Variants in RELN observed in about 807,000 individuals in gnomAD.
RELN encodes reelin.
In RELN, 108 loss-of-function variants were observed where a neutral mutation model predicts 427.6. The observed-to-expected ratio is 0.25, with a 90% CI of 0.22 to 0.30. The LOEUF (loss-of-function observed/expected upper bound fraction) is 0.30. RELN is among the 10% of genes least tolerant of loss of function. RELN has a pLI of 1.00. For missense variants in RELN, 3,715 were observed against 4,302.8 expected (o/e 0.86, Z 3.82); for synonymous variants, 1,524 against 1,513.4 (o/e 1.01, Z -0.16).
At chr7:103,713,059 AG>A (rs1449434719) in intron 8 of RELN, among the ~76,000 whole-genome samples, 1 of 152,196 alleles carries the variant, frequency 6.6e-6, no homozygotes. Context: ...AATGCAGCAC[AG>A]GGCCACAGAA....
At chr7:103,861,472 A>G (rs1050174583) in intron 2 of RELN, among the ~76,000 whole-genome samples, 5 of 152,160 alleles carry the variant, frequency 3.3e-5, no homozygotes, top group Non-Finnish European at 7.4e-5. Flanking sequence ...AGTAATAGGT[A>G]TATTTTAGAG....
At chr7:103,703,166 A>T (rs1235017845) in intron 8 of RELN, among the ~76,000 whole-genome samples, 2 of 152,080 alleles carry the variant, frequency 1.3e-5, no homozygotes, top group Admixed American at 1.3e-4. Flanking sequence ...AGCTGGAAGG[A>T]GCACCCCCCA....
rs78694521 is a variant in RELN, at chr7:103,890,879, C to T, written c.337+26196G>A. Among the ~76,000 whole-genome samples, 602 of 152,208 alleles carry T rather than the reference C, an allele frequency of 4.0e-3. 22 individuals are homozygous for T. The East Asian group carries it at 0.072, about 18-fold the overall frequency. ...GATAATGAGGTCAGGAGTTCGAGAC[C>T]ACCCTGACCAACATGGTGAAACCCC... On this transcript the variant is annotated intron_variant, in intron 2 of 64. Coordinates refer to ENST00000428762, the MANE Select transcript of RELN (RefSeq NM_005045.4).
intron 2 of RELN, among the ~76,000 whole-genome samples, chr7:103,908,166 TAGG>T (rs1270107711): frequency 2.0e-5 from 3 of 152,170 alleles, no homozygotes. Flanking sequence ...ATCCAGGCTC[TAGG>T]GGAGGTCCAT....
intron 4 of RELN, among the ~76,000 whole-genome samples, chr7:103,754,354 A>G (rs1288649781): frequency 6.6e-6 from 1 of 151,966 alleles, no homozygotes; most frequent in Admixed American, 6.6e-5. Flanking sequence ...CTTACATTAT[A>G]CTTCTATTAG....
intron 12 of RELN, among the ~76,000 whole-genome samples, chr7:103,659,152 C>A (rs1352806846): frequency 2.0e-5 from 3 of 151,870 alleles, no homozygotes; most frequent in Non-Finnish European, 4.4e-5. Context: ...TTAACATAAG[C>A]AACATCAAAA....
intron 11 of RELN, among the ~76,000 whole-genome samples, chr7:103,666,995 T>C (rs1016106127): frequency 2.6e-5 from 4 of 152,240 alleles, no homozygotes; most frequent in South Asian, 2.1e-4. Flanking sequence ...CAGTCCATCC[T>C]GAACTGCCTA....
intron 1 of RELN, among the ~76,000 whole-genome samples, chr7:103,933,156 T>C (rs560602690): frequency 1.4e-3 from 208 of 152,160 alleles, no homozygotes; most frequent in Admixed American, 4.6e-3. Flanking sequence ...TTAGCCCACA[T>C]AGAGTATTTT....
At chr7:103,771,671 A>C (rs1298722713) in intron 4 of RELN, among the ~76,000 whole-genome samples, 1 of 152,180 alleles carries the variant, frequency 6.6e-6, no homozygotes, top group Non-Finnish European at 1.5e-5. Flanking sequence ...ACCCAGGCCA[A>C]AAGTGACGGA....
chr7:103,742,764 G>GAAAAGACC (rs1467469235), intron 6 of RELN, among the ~76,000 whole-genome samples: 1 of 152,202 alleles, frequency 6.6e-6, no homozygotes, highest in Non-Finnish European at 1.5e-5. Flanking sequence ...GGGACTATGT[G>GAAAAGACC]AAAAGACCAA....
Position 103,833,670 on chromosome 7 carries a change from T to C in RELN, c.340A>G (p.Ile114Val), listed in dbSNP as rs886061863. Residue 114 changes from isoleucine to valine, a missense_variant and splice_region_variant, in exon 3 of 65, where the codon ATC (isoleucine) becomes GTC (valine). By Grantham distance (29) the Ile-to-Val change is conservative. Coordinates refer to ENST00000428762, the MANE Select transcript of RELN (RefSeq NM_005045.4). Reference protein sequence around the residue: ...IGGSSAFGFGIMSDHQFGNQF... With the variant: ...IGGSSAFGFGVMSDHQFGNQF... ...TTACCAAACTGGTGGTCAGACATGA[T>C]CCCTAAGAGAAAGGAAGGAGAGTTG... 1 of 1,613,172 alleles carries C rather than the reference T, an allele frequency of 6.2e-7. No homozygotes were observed. Among genetic ancestry groups the C allele is most frequent in the Non-Finnish European group, 8.5e-7 (1 of 1,179,548 alleles).
intron 2 of RELN, among the ~76,000 whole-genome samples, chr7:103,896,749 C>G (rs1252261737): frequency 6.6e-6 from 1 of 152,056 alleles, no homozygotes; most frequent in Non-Finnish European, 1.5e-5. Context: ...ACAAACTTTA[C>G]AAACATGGTA....
intron 1 of RELN, among the ~76,000 whole-genome samples, chr7:103,951,375 T>C (rs10230291): frequency 0.18 from 27,683 of 152,174 alleles, 2,786 homozygotes; most frequent in African/African-American, 0.27. Context: ...GAAATAAATG[T>C]TACTTTAATT....
At position 103,986,671 on chromosome 7, in the gene RELN, A is replaced by G. The variant is rs570939919; in HGVS notation, c.226+2460T>C. On this transcript the variant is annotated intron_variant, in intron 1 of 64. Coordinates refer to ENST00000428762, the MANE Select transcript of RELN (RefSeq NM_005045.4). ...AAAAAAAGTCACAACTATCAGCTCTACACCTAAACATGGTTCATTCAAATG... is the reference window on the plus strand; with the variant it reads ...AAAAAAAGTCACAACTATCAGCTCTGCACCTAAACATGGTTCATTCAAATG... Among the ~76,000 whole-genome samples the G allele has an allele frequency of 5.3e-5, 8 of 150,568 alleles. No homozygotes were observed. In the South Asian group the frequency reaches 1.3e-3, roughly 24 times the overall value.
At chr7:103,500,679 A>G (rs989861101) in intron 53 of RELN, 66 bp downstream of exon 53, 4 of 1,522,296 alleles carry the variant, frequency 2.6e-6, no homozygotes, top group African/African-American at 1.4e-5. Flanking sequence ...TGTCTCATAC[A>G]TAAGTTGGTT....
At position 103,620,523 on chromosome 7, in the gene RELN, A is replaced by T. The variant is rs1049973527; in HGVS notation, c.2703-8720T>A. Among the ~76,000 whole-genome samples, 7 of 147,532 alleles carry T rather than the reference A, an allele frequency of 4.7e-5. No individual in the cohort carries two copies. Among genetic ancestry groups the T allele is most frequent in the Non-Finnish European group, 8.9e-5 (6 of 67,426 alleles). ...GAGTCTCGTCTGTCGCCCAGGCTGG[A>T]GTAACAGTGGCACGATCTTGGCTCA... is the stretch of plus-strand genomic sequence containing the variant. On this transcript the variant is annotated intron_variant, in intron 20 of 64. Transcript: ENST00000428762. The surrounding 1 kb of genome is among the most constrained non-coding windows in gnomAD (Gnocchi z 4.1).
intron 1 of RELN, among the ~76,000 whole-genome samples, chr7:103,986,930 CTGTGTGTG>C (rs68023932): frequency 0.17 from 24,854 of 148,868 alleles, 2,381 homozygotes; most frequent in African/African-American, 0.25. Flanking sequence ...CTAACAGAAG[CTGTGTGTG>C]TGTGTGTGTG....
rs945186791 is a variant in RELN, at chr7:103,953,954, T to C, written c.226+35177A>G. 6.7e-6 allele frequency among the ~76,000 whole-genome samples: 1 copy of C among 149,310 alleles called. No homozygotes were observed. The highest frequency in any genetic ancestry group is 2.0e-4 in the East Asian group (1 of 4,984). ...CTCAAAAAAACAAAACAAACAACAA[T>C]AACAACAAAAACAGGCGGGGCATAG... On this transcript the variant is annotated intron_variant, in intron 1 of 64. Coordinates refer to ENST00000428762, the MANE Select transcript of RELN (RefSeq NM_005045.4). This position sits in a 1 kb window ranked among gnomAD's most constrained non-coding sequence, Gnocchi z 4.3.
chr7:103,551,938 G>GTGTGTGTGTGTGT (rs1554376284), intron 40 of RELN, among the ~76,000 whole-genome samples: 1 of 144,746 alleles, frequency 6.9e-6, no homozygotes, highest in African/African-American at 2.5e-5. Flanking sequence ...TGTGTGTGTG[G>GTGTGTGTGTGTGT]GTGTGTGTGT....
Sources: gnomAD v4.1 joint callset for allele counts (sites outside exome capture counted in the v4.1 genomes callset) on GRCh38, gnomAD v4.1.1 for gene constraint, Gnocchi (gnomAD v3.1) non-coding constraint, MANE v1.5 for transcripts, NCBI Gene and HGNC (gene_info 2026-07-23, HGNC 2026-07-21) for gene names.